USP34: variants seen among roughly 807,000 people sequenced by gnomAD.
The protein encoded by USP34 is ubiquitin carboxyl-terminal hydrolase 34.
USP34 carries 70 observed loss-of-function variants against 460.3 expected under a neutral mutation model. The observed-to-expected ratio is 0.15, with a 90% CI of 0.13 to 0.19. The LOEUF (loss-of-function observed/expected upper bound fraction) is 0.19. Among genes scored for constraint, USP34 ranks in the 10% least tolerant of loss-of-function variants. The probability of loss-of-function intolerance (pLI) is 1.00; values close to 1 mark genes in which losing one functional copy is unlikely to be tolerated. For synonymous variants in USP34, 1,647 were observed against 1,405.3 expected (o/e 1.17, Z -3.85); for missense variants, 3,985 against 4,236.2 (o/e 0.94, Z 1.65).
At chr2:61,465,285 T>C (rs1695728196) in intron 1 of USP34, among the ~76,000 whole-genome samples, 1 of 152,166 alleles carries the variant, frequency 6.6e-6, no homozygotes, top group South Asian at 2.1e-4. Flanking sequence ...GTAAGCACAA[T>C]TCTGTGTCTG....
At chr2:61,325,291 A>G (rs576174453) in intron 21 of USP34, 84 bp downstream of exon 21, 6 of 840,332 alleles carry the variant, frequency 7.1e-6, no homozygotes, top group Non-Finnish European at 1.1e-5. Context: ...AAAAAAAAAA[A>G]CTGCAGAAAT....
At chr2:61,362,016 AAT>A (rs1448777721) in intron 10 of USP34, among the ~76,000 whole-genome samples, 3 of 152,154 alleles carry the variant, frequency 2.0e-5, no homozygotes, top group African/African-American at 7.2e-5. Context: ...GGGCAAAGAA[AAT>A]AGACATTTCT....
At chr2:61,423,817 G>A (rs1232787567) in intron 1 of USP34, among the ~76,000 whole-genome samples, 1 of 152,076 alleles carries the variant, frequency 6.6e-6, no homozygotes, top group African/African-American at 2.4e-5. Flanking sequence ...CAGGCACGGT[G>A]GCACATGCCT....
chr2:61,220,883 C>T (rs1448021106), intron 66 of USP34, among the ~76,000 whole-genome samples: 1 of 152,108 alleles, frequency 6.6e-6, no homozygotes. Context: ...AAAGGGGAAT[C>T]CTAGGAATCT....
intron 34 of USP34, among the ~76,000 whole-genome samples, chr2:61,287,407 C>A (rs748403250): frequency 6.6e-6 from 1 of 152,174 alleles, no homozygotes; most frequent in Admixed American, 6.5e-5. Flanking sequence ...AATCCACAAT[C>A]AAAAAGATTC....
Position 61,241,794 on chromosome 2 carries a change from T to C in USP34, c.6653A>G (p.Asp2218Gly). Residue 2218 changes from aspartate to glycine, a missense_variant, in exon 52 of 80, where the codon GAT becomes GGT. Around this residue, in one of 14 missense-constraint regions of USP34, gnomAD observed 604 missense variants for 684.8 expected, o/e 0.88. Coordinates refer to ENST00000398571, the MANE Select transcript of USP34 (RefSeq NM_014709.4). ...MTTKTYDSVT[D>G]KFMDFSFEKT... ...TTCAAAAGAGAAGTCCATAAATTTA[T>C]CTGTAACAGAATCATAGGTCTTGGT... 6.5e-7 allele frequency: 1 copy of C among 1,539,032 alleles called. No individual in the cohort carries two copies. Among genetic ancestry groups the C allele is most frequent in the Non-Finnish European group, 8.8e-7 (1 of 1,139,778 alleles).
At chr2:61,285,793 G>A (rs1174308641) in intron 34 of USP34, among the ~76,000 whole-genome samples, 1 of 152,144 alleles carries the variant, frequency 6.6e-6, no homozygotes, top group Non-Finnish European at 1.5e-5. Flanking sequence ...ATGGATTCTA[G>A]ATTCAAAATC....
intron 1 of USP34, among the ~76,000 whole-genome samples, chr2:61,464,980 T>C (rs7584500): frequency 0.47 from 70,584 of 151,772 alleles, 16,788 homozygotes; most frequent in Middle Eastern, 0.57. Context: ...TTAAAATTTA[T>C]CCTAAACAGA....
At chr2:61,407,969 G>C (rs149579391) in intron 2 of USP34, among the ~76,000 whole-genome samples, 29 of 152,100 alleles carry the variant, frequency 1.9e-4, no homozygotes, top group Middle Eastern at 6.8e-3. Flanking sequence ...ACAAAAATTA[G>C]CCAGGCGTGG....
chr2:61,264,618 G>A (rs1184279890), intron 43 of USP34, among the ~76,000 whole-genome samples: 1 of 152,120 alleles, frequency 6.6e-6, no homozygotes, highest in African/African-American at 2.4e-5. Context: ...TCCAGTCAGG[G>A]TGACAGACAC....
chr2:61,377,644 G>C (rs1692836043), intron 8 of USP34, among the ~76,000 whole-genome samples: 1 of 152,102 alleles, frequency 6.6e-6, no homozygotes, highest in African/African-American at 2.4e-5. Context: ...GACCCCACCA[G>C]AACTTGACGA....
chr2:61,321,481 AC>A (rs1690921398), intron 21 of USP34, among the ~76,000 whole-genome samples: 1 of 152,116 alleles, frequency 6.6e-6, no homozygotes, highest in African/African-American at 2.4e-5. Context: ...AAAACAAAAA[AC>A]AAAACAAAAC....
Position 61,204,275 on chromosome 2 carries a change from G to A in USP34, c.9365C>T (p.Thr3122Ile). ...RPELNMCLLP[T>I]MVETSKGKDD... is the part of the protein sequence containing the mutation. ...ACATACCTTACTGGTTTCCACCATT[G>A]TGGGCAAGAGGCACATATTGAGTTC... The change falls in exon 74 of 80, where the codon ACA becomes ATA. Residue 3122 changes from threonine (T) to isoleucine (I), a missense_variant. This residue lies in a region of USP34 where 275 missense variants were observed against 292.7 expected (regional missense o/e 0.94). Coordinates refer to ENST00000398571, the MANE Select transcript of USP34 (RefSeq NM_014709.4). 1.2e-6 allele frequency: 2 copies of A among 1,614,148 alleles called. No homozygotes were observed. Among genetic ancestry groups the A allele is most frequent in the Non-Finnish European group, 1.7e-6 (2 of 1,180,036 alleles).
intron 67 of USP34, among the ~76,000 whole-genome samples, chr2:61,218,788 G>A (rs1312025883): frequency 6.6e-6 from 1 of 152,090 alleles, no homozygotes; most frequent in Admixed American, 6.5e-5. Flanking sequence ...TAGGTTTTTG[G>A]AAGGAAGACC....
chr2:61,334,100 A>T, intron 18 of USP34, 129 bp from the exon 19 acceptor site: 1 of 569,370 alleles, frequency 1.8e-6, no homozygotes, highest in Non-Finnish European at 2.8e-6. Context: ...ACAAACATTA[A>T]ACTTTTTTTC....
intron 41 of USP34, among the ~76,000 whole-genome samples, chr2:61,271,744 T>C (rs1689221322): frequency 6.6e-6 from 1 of 152,174 alleles, no homozygotes; most frequent in Non-Finnish European, 1.5e-5. Context: ...AGTGGTAGTG[T>C]TGCTGATGAC....
chr2:61,413,633 C>G (rs1694109825), intron 2 of USP34, among the ~76,000 whole-genome samples: 1 of 145,342 alleles, frequency 6.9e-6, no homozygotes, highest in Admixed American at 7.1e-5. Context: ...GCACTCCATC[C>G]TGGCAATACA....
At chr2:61,449,380 C>A (rs1238175239) in intron 1 of USP34, among the ~76,000 whole-genome samples, 1 of 151,884 alleles carries the variant, frequency 6.6e-6, no homozygotes, top group Non-Finnish European at 1.5e-5. Flanking sequence ...TAGTAATAAT[C>A]CTCAACTTGA....
chr2:61,372,533 C>G (rs1042873573), intron 8 of USP34, among the ~76,000 whole-genome samples: 3 of 152,074 alleles, frequency 2.0e-5, no homozygotes, highest in Non-Finnish European at 4.4e-5. Context: ...AGTTCCAGGC[C>G]AGGCTGGGCA....
Sources: allele counts gnomAD v4.1 joint callset (sites outside exome capture counted in the v4.1 genomes callset), GRCh38; gene constraint gnomAD v4.1.1; regional missense constraint gnomAD v4.1.1; transcripts MANE v1.5; gene names NCBI Gene and HGNC (gene_info 2026-07-23, HGNC 2026-07-21).